The following TNR variants were observed in gnomAD, a reference collection of about 807,000 sequenced individuals.
The protein encoded by TNR is tenascin R.
Under a neutral mutation model 150.4 loss-of-function variants are expected in TNR, and 45 were observed. The observed-to-expected ratio is 0.30, with a 90% confidence interval of 0.24 to 0.38. The LOEUF (loss-of-function observed/expected upper bound fraction) is 0.38, where lower values mean the gene tolerates loss of function less well. TNR is among the 10% of genes least tolerant of loss of function. The pLI is 1.00. For synonymous variants in TNR, 687 were observed against 678.4 expected, an observed-to-expected ratio of 1.01 and a Z score of -0.20; for missense variants, 1,544 against 1,759.1, an observed-to-expected ratio of 0.88 and a Z score of 2.19.
At chr1:175,352,419 A>C (rs1651094099) in intron 18 of TNR, among the ~76,000 whole-genome samples, 1 of 152,208 alleles carries the variant, frequency 6.6e-6, no homozygotes, top group South Asian at 2.1e-4. Context: ...TGTCCTTTTT[A>C]TAGAAAAGAA....
chr1:175,565,356 C>G (rs921342432), intron 1 of TNR, among the ~76,000 whole-genome samples: 8 of 152,148 alleles, frequency 5.3e-5, no homozygotes, highest in African/African-American at 1.9e-4. Context: ...GTCAGACAAA[C>G]CGGTGGAGGA....
At chr1:175,338,881 T>G (rs1341237490) in intron 18 of TNR, among the ~76,000 whole-genome samples, 1 of 151,992 alleles carries the variant, frequency 6.6e-6, no homozygotes, top group East Asian at 1.9e-4. Context: ...AAGGCCCCCC[T>G]GGAGATGTGT....
chr1:175,429,677 T>A (rs1655173899), intron 2 of TNR, among the ~76,000 whole-genome samples: 1 of 152,234 alleles, frequency 6.6e-6, no homozygotes. Flanking sequence ...TGTAAAGTGC[T>A]TCCCAAGGAT....
intron 1 of TNR, among the ~76,000 whole-genome samples, chr1:175,570,051 G>T (rs1461597137): frequency 6.6e-6 from 1 of 152,138 alleles, no homozygotes; most frequent in Non-Finnish European, 1.5e-5. Flanking sequence ...GGATAAAAAG[G>T]CTTTCCTTCA....
At chr1:175,405,655 G>A (rs1288892589) in intron 3 of TNR, among the ~76,000 whole-genome samples, 2 of 151,298 alleles carry the variant, frequency 1.3e-5, no homozygotes, top group Non-Finnish European at 2.9e-5. Context: ...GTGTGCATAC[G>A]CTTCTGTGTG....
chr1:175,708,282 G>C (rs1666898357), intron 1 of TNR, among the ~76,000 whole-genome samples: 1 of 152,142 alleles, frequency 6.6e-6, no homozygotes, highest in South Asian at 2.1e-4. Flanking sequence ...CCACCAAAAG[G>C]ACAGGCTCTC....
At chr1:175,601,408 G>A (rs974593866) in intron 1 of TNR, among the ~76,000 whole-genome samples, 9 of 152,188 alleles carry the variant, frequency 5.9e-5, no homozygotes, top group Admixed American at 5.2e-4. Flanking sequence ...GTGATCCACA[G>A]ACTTCTAGTC....
At chr1:175,604,199 T>A (rs1663342113) in intron 1 of TNR, among the ~76,000 whole-genome samples, 1 of 152,142 alleles carries the variant, frequency 6.6e-6, no homozygotes, top group South Asian at 2.1e-4. Context: ...AGGCCCACGC[T>A]GCTAGCCAGC....
At chr1:175,334,945 A>G (rs568803918) in intron 20 of TNR, among the ~76,000 whole-genome samples, 1 of 152,350 alleles carries the variant, frequency 6.6e-6, no homozygotes, top group Admixed American at 6.5e-5. Context: ...CTAGAGGCAG[A>G]GAGGCCGGTA....
chr1:175,495,651 T>A lies in TNR; in HGVS notation c.-64+32618A>T, dbSNP rs568566544. 2.6e-5 allele frequency among the ~76,000 whole-genome samples: 4 copies of A among 152,360 alleles called. No individual in the cohort carries two copies. The South Asian group carries it at 6.2e-4, about 24-fold the overall frequency. Reference sequence around the variant, plus strand: ...ATTGTTTGTTGTCTGCCTCTCTAGCTGGACTACATGGGACCAAGCTCTGGG... The same window carrying A: ...ATTGTTTGTTGTCTGCCTCTCTAGCAGGACTACATGGGACCAAGCTCTGGG... On this transcript the variant is annotated intron_variant, in intron 2 of 22. Coordinates refer to ENST00000367674, the MANE Select transcript of TNR (RefSeq NM_003285.3).
At chr1:175,691,618 G>A (rs1054852015) in intron 1 of TNR, among the ~76,000 whole-genome samples, 6 of 152,028 alleles carry the variant, frequency 3.9e-5, no homozygotes, top group African/African-American at 9.7e-5. Flanking sequence ...CTGAGTTCTC[G>A]GTAGGTCCTG....
intron 2 of TNR, among the ~76,000 whole-genome samples, chr1:175,515,469 T>G (rs374009805): frequency 3.9e-5 from 6 of 152,250 alleles, no homozygotes; most frequent in African/African-American, 1.2e-4. Context: ...GGATGAACTT[T>G]AAAAGGAGAG....
chr1:175,621,316 C>T (rs182806951), intron 1 of TNR, among the ~76,000 whole-genome samples: 118 of 152,304 alleles, frequency 7.7e-4, no homozygotes, highest in Non-Finnish European at 1.4e-3. Flanking sequence ...TTACTGCCTG[C>T]TGAATCAAGT....
intron 2 of TNR, among the ~76,000 whole-genome samples, chr1:175,518,597 T>G (rs1659505925): frequency 6.6e-6 from 1 of 152,236 alleles, no homozygotes; most frequent in South Asian, 2.1e-4. Flanking sequence ...TCATGATGAA[T>G]GCTCTGCATA....
intron 9 of TNR, among the ~76,000 whole-genome samples, chr1:175,377,895 C>T (rs1571358432): frequency 6.6e-6 from 1 of 152,170 alleles, no homozygotes; most frequent in South Asian, 2.1e-4. Flanking sequence ...GAAAACCACA[C>T]CCCCATTTCC....
At chr1:175,551,837 A>G (rs576555262) in intron 1 of TNR, among the ~76,000 whole-genome samples, 1 of 152,292 alleles carries the variant, frequency 6.6e-6, no homozygotes, top group Admixed American at 6.5e-5. Flanking sequence ...TTAACTACAT[A>G]TATTGGAAGA....
intron 1 of TNR, among the ~76,000 whole-genome samples, chr1:175,607,788 A>G (rs1663460644): frequency 6.6e-6 from 1 of 152,222 alleles, no homozygotes; most frequent in African/African-American, 2.4e-5. Context: ...GCTGGTTGGT[A>G]TATACTTATT....
At chr1:175,590,625 A>T (rs1662762465) in intron 1 of TNR, among the ~76,000 whole-genome samples, 1 of 152,180 alleles carries the variant, frequency 6.6e-6, no homozygotes, top group African/African-American at 2.4e-5. Context: ...GGCACAAAGG[A>T]GGGGGGGATC....
intron 1 of TNR, among the ~76,000 whole-genome samples, chr1:175,574,360 T>C (rs1245901250): frequency 6.6e-6 from 1 of 151,684 alleles, no homozygotes. Flanking sequence ...TATAAGATAA[T>C]CAAAGTACAG....
Sources: gnomAD v4.1 joint callset for allele counts (sites outside exome capture counted in the v4.1 genomes callset) on GRCh38, gnomAD v4.1.1 for gene constraint, MANE v1.5 for transcripts, NCBI Gene and HGNC (gene_info 2026-07-23, HGNC 2026-07-21) for gene names.